Variants in INVS observed in about 807,000 individuals in gnomAD.
INVS encodes inversin, also known as inversion of embryo turning homolog.
In INVS, 86 loss-of-function variants were observed where a neutral mutation model predicts 108.8. The observed-to-expected ratio is 0.79, with a 90% CI of 0.66 to 0.95. The LOEUF (loss-of-function observed/expected upper bound fraction) is 0.95. INVS is among the 40% of genes least tolerant of loss of function. The pLI is 0.00. For missense variants in INVS, 1,169 were observed against 1,297.4 expected, an observed-to-expected ratio of 0.90 and a Z score of 1.52; for synonymous variants, 455 against 473.5, an observed-to-expected ratio of 0.96 and a Z score of 0.51.
chr9:100,167,731 T>G (rs551985101), intron 3 of INVS, among the ~76,000 whole-genome samples: 1 of 152,324 alleles, frequency 6.6e-6, no homozygotes, highest in South Asian at 2.1e-4. Context: ...ATTCACTAAT[T>G]TATCCCCATT....
chr9:100,233,036 A>G (rs1007996102), intron 5 of INVS, among the ~76,000 whole-genome samples: 1 of 152,164 alleles, frequency 6.6e-6, no homozygotes, highest in Admixed American at 6.5e-5. Context: ...GTCCTTGAAC[A>G]GTGGTTTATA....
chr9:100,167,571 A>G (rs978504328), intron 3 of INVS, among the ~76,000 whole-genome samples: 2 of 152,132 alleles, frequency 1.3e-5, no homozygotes, highest in South Asian at 2.1e-4. Flanking sequence ...CACCTCACAC[A>G]TTGTATTCTC....
chr9:100,219,777 G>T (rs914349461), intron 3 of INVS, among the ~76,000 whole-genome samples: 10 of 151,958 alleles, frequency 6.6e-5, no homozygotes, highest in African/African-American at 1.9e-4. Context: ...CAGGCAACTT[G>T]AATAAATCTG....
chr9:100,113,296 C>T (rs1467316664), intron 2 of INVS, among the ~76,000 whole-genome samples: 1 of 152,158 alleles, frequency 6.6e-6, no homozygotes, highest in East Asian at 1.9e-4. Flanking sequence ...CAAAATTTGC[C>T]TCCATCTTCA....
At chr9:100,294,916 TC>T (rs558245686) in intron 14 of INVS, among the ~76,000 whole-genome samples, 115 of 152,286 alleles carry the variant, frequency 7.6e-4, no homozygotes, top group African/African-American at 2.6e-3. Context: ...ATTGTTCTTA[TC>T]CCCGTTACAC....
intron 13 of INVS, among the ~76,000 whole-genome samples, chr9:100,290,078 T>C (rs1428819506): frequency 7.0e-6 from 1 of 142,478 alleles, no homozygotes; most frequent in East Asian, 1.9e-4. Context: ...TGGTATCTTG[T>C]AGTTTTAGTT....
At chr9:100,269,516 T>G (rs1832887902) in intron 11 of INVS, among the ~76,000 whole-genome samples, 1 of 152,174 alleles carries the variant, frequency 6.6e-6, no homozygotes. Context: ...ATTTCAGTGT[T>G]TGGGGTTTCT....
At chr9:100,287,147 T>C (rs1018334901) in intron 13 of INVS, among the ~76,000 whole-genome samples, 1 of 152,236 alleles carries the variant, frequency 6.6e-6, no homozygotes, top group African/African-American at 2.4e-5. Context: ...ATATAGTCAC[T>C]TAAATGTCTA....
In INVS at chr9:100,272,931, G is replaced by C. The variant is rs368682890; in HGVS notation, c.1639G>C (p.Gly547Arg). The stretch of plus-strand genomic sequence containing the variant: ...AGTGATCCAGTTCATGTTGGAGCAC[G>C]GTGCCCTGTCCATCGCAGCCATACA... ...HEVIQFMLEH[G>R]ALSIAAIQDI... is the part of the protein sequence containing the mutation. Residue 547 changes from glycine to arginine, a missense_variant, in exon 12 of 17, where the codon GGT becomes CGT. This residue lies in a region of INVS where 271 missense variants were observed against 363.8 expected (regional missense o/e 0.74). Transcript: ENST00000262457. 1.8e-5 allele frequency: 29 copies of C among 1,613,918 alleles called. No homozygotes were observed. The African/African-American group carries it at 3.2e-4, about 18-fold the overall frequency.
At chr9:100,289,765 C>T (rs1268788815) in intron 13 of INVS, among the ~76,000 whole-genome samples, 1 of 152,196 alleles carries the variant, frequency 6.6e-6, no homozygotes, top group African/African-American at 2.4e-5. Context: ...TATCCATTCA[C>T]CTACTGAAGA....
In INVS at chr9:100,297,969, C is replaced by T. The variant is rs748470510; in HGVS notation, c.3050C>T (p.Thr1017Ile). Residue 1017 changes from threonine to isoleucine, a missense_variant, in exon 16 of 17, where the codon ACA (threonine) becomes ATA (isoleucine). By Grantham distance (89) the Thr-to-Ile change is moderately conservative. Coordinates refer to ENST00000262457, the MANE Select transcript of INVS (RefSeq NM_014425.5). ...CSHEGKIHHP[T>I]RSVKASSVLR... is the part of the protein sequence containing the mutation. The stretch of plus-strand genomic sequence containing the variant: ...CACGAAGGGAAAATACATCATCCTA[C>T]AAGATCTGTAAAAGCCTCTTCTGTG... 1.2e-6 allele frequency: 2 copies of T among 1,614,184 alleles called. No homozygotes were observed. Among genetic ancestry groups the T allele is most frequent in the Admixed American group, 1.7e-5 (1 of 60,030 alleles).
chr9:100,290,328 T>C (rs553761705), intron 13 of INVS, among the ~76,000 whole-genome samples: 19 of 152,344 alleles, frequency 1.2e-4, no homozygotes, highest in Non-Finnish European at 2.4e-4. Context: ...AATGAGCAGA[T>C]ATAGGTATAT....
intron 2 of INVS, among the ~76,000 whole-genome samples, chr9:100,120,187 C>T (rs1185505123): frequency 2.6e-5 from 4 of 152,188 alleles, no homozygotes; most frequent in Non-Finnish European, 5.9e-5. Flanking sequence ...CTTATTGGTG[C>T]TGCTTTGGGT....
chr9:100,287,019 C>A (rs1271946713), intron 13 of INVS, among the ~76,000 whole-genome samples: 2 of 152,216 alleles, frequency 1.3e-5, no homozygotes, highest in Non-Finnish European at 2.9e-5. Flanking sequence ...TGACTTTGAA[C>A]AATGACAATT....
Position 100,292,563 on chromosome 9 carries a change from C to T in INVS, c.2306C>T (p.Pro769Leu), listed in dbSNP as rs1477368510. 1.2e-5 allele frequency: 19 copies of T among 1,614,132 alleles called. No individual in the cohort carries two copies. The highest frequency in any genetic ancestry group is 3.3e-5 in the Admixed American group (2 of 60,018). ...AGGCGGGCAGCTGCAAGCCTTCCACCGCACGATAGCCACTGGAAGCCCAGC... is the reference window on the plus strand; with the variant it reads ...AGGCGGGCAGCTGCAAGCCTTCCACTGCACGATAGCCACTGGAAGCCCAGC... The part of the protein sequence containing the change: ...DSRRAAASLP[P>L]HDSHWKPSRR... The change falls in exon 14 of 17, where the codon CCG becomes CTG. Residue 769 changes from proline (P) to leucine (L), a missense_variant. Physicochemically the swap from Pro to Leu is moderately conservative, Grantham distance 98. Around this residue, in one of 3 missense-constraint regions of INVS, gnomAD observed 533 missense variants for 536.0 expected, o/e 0.99. Coordinates refer to ENST00000262457, the MANE Select transcript of INVS (RefSeq NM_014425.5).
At chr9:100,298,806 G>A (rs1833866130) in intron 16 of INVS, among the ~76,000 whole-genome samples, 1 of 152,132 alleles carries the variant, frequency 6.6e-6, no homozygotes, top group Admixed American at 6.5e-5. Flanking sequence ...ATACAGACAG[G>A]CTGATCAGGG....
At position 100,284,559 on chromosome 9, in the gene INVS, A is replaced by G. The variant is rs1300024783; in HGVS notation, c.2024A>G (p.His675Arg). 1 of 1,613,880 alleles carries G rather than the reference A, an allele frequency of 6.2e-7. No individual in the cohort carries two copies. Among genetic ancestry groups the G allele is most frequent in the Admixed American group, 1.7e-5 (1 of 59,994 alleles). Residue 675 changes from histidine to arginine, a missense_variant, in exon 13 of 17, where the codon CAT becomes CGT. His to Arg is a conservative substitution (Grantham distance 29, BLOSUM62 0). This residue lies in a region of INVS where 533 missense variants were observed against 536.0 expected (regional missense o/e 0.99). Transcript: ENST00000262457. The part of the protein sequence containing the change: ...SLGGALQKEQ[H>R]VSSDLQGTNS... ...GGCGGAGCCCTCCAGAAGGAGCAGC[A>G]TGTTTCCTCAGATTTGCAGGGAACA...
chr9:100,215,365 T>TAATC (rs894745290), intron 3 of INVS: 2 of 152,270 alleles, frequency 1.3e-5, no homozygotes, highest in South Asian at 4.2e-4. Context: ...CAGATGTATA[T>TAATC]AATCCCCCAC....
chr9:100,117,443 G>A, intron 2 of INVS: 2 of 795,552 alleles, frequency 2.5e-6, no homozygotes, highest in Non-Finnish European at 4.4e-6. Context: ...GCCCAGCTTG[G>A]TGACGGGCAT....
Sources: allele counts gnomAD v4.1 joint callset (sites outside exome capture counted in the v4.1 genomes callset), GRCh38; gene constraint gnomAD v4.1.1; regional missense constraint gnomAD v4.1.1; transcripts MANE v1.5; gene names NCBI Gene and HGNC (gene_info 2026-07-23, HGNC 2026-07-21).